Variants in PSD3 observed in about 807,000 individuals in gnomAD.
PSD3 encodes pleckstrin and Sec7 domain containing 3.
In PSD3, 49 loss-of-function variants were observed where a neutral mutation model predicts 105.5. The observed-to-expected ratio is 0.46, with a 90% CI of 0.37 to 0.59. The LOEUF (loss-of-function observed/expected upper bound fraction) is 0.59, where lower values mean the gene tolerates loss of function less well. Among genes scored for constraint, PSD3 ranks in the 20% least tolerant of loss-of-function variants. The probability of loss-of-function intolerance (pLI) is 0.00; values close to 1 mark genes in which losing one functional copy is unlikely to be tolerated. For missense variants in PSD3, 1,561 were observed against 1,263.8 expected (o/e 1.24, Z -3.57); for synonymous variants, 557 against 457.8 (o/e 1.22, Z -2.77).
intron 1 of PSD3, among the ~76,000 whole-genome samples, chr8:19,042,042 CAATT>C (rs1828141942): frequency 2.6e-5 from 4 of 151,910 alleles, no homozygotes; most frequent in African/African-American, 7.3e-5. Flanking sequence ...AGAGAAAAAA[CAATT>C]TATCTTTATT....
intron 9 of PSD3, among the ~76,000 whole-genome samples, chr8:18,716,670 T>G (rs1398310873): frequency 1.3e-5 from 2 of 152,186 alleles, no homozygotes; most frequent in Non-Finnish European, 2.9e-5. Context: ...AGGATGAGGA[T>G]TTTAAGCAGA....
chr8:18,678,430 T>G (rs1304182784), intron 9 of PSD3, among the ~76,000 whole-genome samples: 1 of 152,244 alleles, frequency 6.6e-6, no homozygotes, highest in Admixed American at 6.5e-5. Flanking sequence ...AATTTATTTT[T>G]CTTTCTCTCT....
At chr8:18,591,586 G>A (rs945510916) in intron 12 of PSD3, among the ~76,000 whole-genome samples, 1 of 152,146 alleles carries the variant, frequency 6.6e-6, no homozygotes, top group Admixed American at 6.6e-5. Context: ...AGCATAGCTT[G>A]GAAGCCTGAA....
chr8:18,876,688 C>T (rs1201797418), intron 2 of PSD3, among the ~76,000 whole-genome samples: 1 of 152,164 alleles, frequency 6.6e-6, no homozygotes, highest in Non-Finnish European at 1.5e-5. Flanking sequence ...ACATGAACCA[C>T]CGCATCTGGC....
chr8:18,625,846 G>T (rs1806435613), intron 11 of PSD3, among the ~76,000 whole-genome samples: 1 of 152,052 alleles, frequency 6.6e-6, no homozygotes, highest in Non-Finnish European at 1.5e-5. Flanking sequence ...GAAATGCTTA[G>T]GATAAAGCTC....
chr8:18,716,248 G>T (rs1157608131), intron 9 of PSD3, among the ~76,000 whole-genome samples: 1 of 152,178 alleles, frequency 6.6e-6, no homozygotes, highest in Non-Finnish European at 1.5e-5. Flanking sequence ...TACCACTCAT[G>T]GTCCACACTC....
At chr8:18,610,028 C>T (rs1182615039) in intron 11 of PSD3, among the ~76,000 whole-genome samples, 1 of 152,214 alleles carries the variant, frequency 6.6e-6, no homozygotes, top group African/African-American at 2.4e-5. Context: ...AGTACTATTA[C>T]TACTATATAT....
At chr8:18,846,911 C>T (rs766193650) in intron 4 of PSD3, among the ~76,000 whole-genome samples, 30 of 152,086 alleles carry the variant, frequency 2.0e-4, no homozygotes, top group Non-Finnish European at 4.3e-4. Context: ...GTAGGTGACA[C>T]AGCCAAAGAC....
At chr8:18,631,018 G>A (rs900514655) in intron 11 of PSD3, among the ~76,000 whole-genome samples, 1 of 151,898 alleles carries the variant, frequency 6.6e-6, no homozygotes, top group African/African-American at 2.4e-5. Flanking sequence ...CAGATATTAA[G>A]GGACAACGGT....
chr8:18,881,946 G>A (rs1369510015), intron 2 of PSD3, among the ~76,000 whole-genome samples: 2 of 152,132 alleles, frequency 1.3e-5, no homozygotes, highest in Admixed American at 6.5e-5. Flanking sequence ...GGTGGCTCAC[G>A]CCTGTAATCC....
At chr8:18,655,744 T>G (rs887817188) in intron 9 of PSD3, 59 bp from the exon 10 acceptor site, 1 of 1,503,616 alleles carries the variant, frequency 6.7e-7, no homozygotes, top group African/African-American at 1.4e-5. Flanking sequence ...CATTTTGAAT[T>G]CAGCAAATGA....
intron 13 of PSD3, among the ~76,000 whole-genome samples, chr8:18,573,906 G>A (rs1264377146): frequency 6.6e-6 from 1 of 152,068 alleles, no homozygotes; most frequent in African/African-American, 2.4e-5. Context: ...AAAAATCACT[G>A]AAATGTACAT....
intron 9 of PSD3, among the ~76,000 whole-genome samples, chr8:18,704,175 A>G (rs1320115799): frequency 6.6e-6 from 1 of 152,202 alleles, no homozygotes; most frequent in Non-Finnish European, 1.5e-5. Context: ...GGTAAGAAAA[A>G]TGCCATAGCT....
chr8:18,649,548 A>T (rs573550939), intron 10 of PSD3, among the ~76,000 whole-genome samples: 4 of 152,286 alleles, frequency 2.6e-5, no homozygotes, highest in Admixed American at 2.0e-4. Context: ...GTCTCAGATA[A>T]GAGTGAGTTA....
At position 18,727,598 on chromosome 8, in the gene PSD3, A is replaced by C. The variant is rs938220887; in HGVS notation, c.2172+37851T>G. On this transcript the variant is annotated intron_variant, in intron 9 of 15. Coordinates refer to ENST00000327040, the MANE Select transcript of PSD3 (RefSeq NM_015310.4). The stretch of plus-strand genomic sequence containing the variant: ...CACACACACACGCACGCACACACAC[A>C]CCCCTCTTATTCATCTTTACCTCTC... 4.0e-5 allele frequency among the ~76,000 whole-genome samples: 6 copies of C among 148,554 alleles called. No homozygotes were observed. The South Asian group carries it at 1.1e-3, about 26-fold the overall frequency.
Position 18,720,090 on chromosome 8 carries a change from G to GACT in PSD3, c.2172+45356_2172+45358dup, listed in dbSNP as rs531990782. Among the ~76,000 whole-genome samples, 82 of 152,188 alleles carry GACT rather than the reference G, an allele frequency of 5.4e-4. No homozygotes were observed. The South Asian group carries it at 0.016, about 30-fold the overall frequency. ...CCCCATTCTGACCCAACTCATTAGG[G>GACT]ACTACTGCCATTTCCAATGTATGGG... is the stretch of plus-strand genomic sequence containing the variant. On this transcript the variant is annotated intron_variant, in intron 9 of 15. Transcript: ENST00000327040.
intron 4 of PSD3, among the ~76,000 whole-genome samples, chr8:18,851,968 T>C (rs2129452661): frequency 6.6e-6 from 1 of 152,294 alleles, no homozygotes; most frequent in Non-Finnish European, 1.5e-5. Flanking sequence ...CACTGGAAAG[T>C]GGTGAAGGCA....
At chr8:18,939,087 T>C (rs891807138) in intron 1 of PSD3, among the ~76,000 whole-genome samples, 1 of 152,192 alleles carries the variant, frequency 6.6e-6, no homozygotes, top group Non-Finnish European at 1.5e-5. Context: ...AAAGATGCCA[T>C]CTATACAGCA....
chr8:18,734,299 T>TA (rs1803989423), intron 9 of PSD3: 1 of 152,268 alleles, frequency 6.6e-6, no homozygotes, highest in Non-Finnish European at 1.5e-5. Flanking sequence ...AGAGTTGTAC[T>TA]ATAACTTTTC....
Sources: gnomAD v4.1 joint callset for allele counts (sites outside exome capture counted in the v4.1 genomes callset) on GRCh38, gnomAD v4.1.1 for gene constraint, MANE v1.5 for transcripts, NCBI Gene and HGNC (gene_info 2026-07-23, HGNC 2026-07-21) for gene names.